LRIF1: variants seen among roughly 807,000 people sequenced by gnomAD.
LRIF1 encodes the protein ligand dependent nuclear receptor interacting factor 1, also known as ligand-dependent nuclear receptor-interacting factor 1.
A neutral mutation model predicts 52.7 loss-of-function variants in LRIF1; 32 were observed. That is an observed-to-expected ratio of 0.61 (90% CI 0.46 to 0.82). The LOEUF is 0.82. Ranked by LOEUF, LRIF1 falls within the 40% of genes least tolerant of loss-of-function variation. LRIF1 has a pLI of 0.00. For synonymous variants in LRIF1, 323 were observed against 317.4 expected (o/e 1.02, Z -0.19); for missense variants, 887 against 892.0 (o/e 0.99, Z 0.07).
At chr1:110,943,629 A>G (rs958083752), downstream of LRIF1, 2 of 151,956 alleles carry the variant, frequency 1.3e-5, no homozygotes, top group East Asian at 3.9e-4. Context: ...AGAGGCCACA[A>G]TTTTTTCTTT....
the LRIF1 span, among the ~76,000 whole-genome samples, chr1:110,911,222 A>G: frequency 3.9e-5 from 6 of 152,290 alleles, no homozygotes; most frequent in East Asian, 9.6e-4. Context: ...GAACAGTTCT[A>G]TGCACACAAA....
chr1:110,943,671 A>G (rs1175376407), downstream of LRIF1: 2 of 152,186 alleles, frequency 1.3e-5, no homozygotes, highest in Non-Finnish European at 2.9e-5. Flanking sequence ...GTACTTAGCT[A>G]GACCTTCTAG....
chr1:110,894,610 G>C, the LRIF1 span, among the ~76,000 whole-genome samples: 1 of 152,298 alleles, frequency 6.6e-6, no homozygotes, highest in East Asian at 1.9e-4. Context: ...TGCCTGGAAA[G>C]AGCAGTAAAA....
the LRIF1 span, among the ~76,000 whole-genome samples, chr1:110,878,406 G>A: frequency 6.6e-6 from 1 of 152,162 alleles, no homozygotes; most frequent in East Asian, 1.9e-4. Flanking sequence ...GAATGCTCTT[G>A]TATGTAAATT....
the LRIF1 span, chr1:110,899,758 C>G: frequency 3.9e-5 from 6 of 153,210 alleles, no homozygotes; most frequent in African/African-American, 1.4e-4. Flanking sequence ...TTGATGTGTT[C>G]TAAGTCTTTC....
intron 1 of LRIF1, among the ~76,000 whole-genome samples, chr1:110,957,540 G>A (rs1047921789): frequency 3.4e-5 from 5 of 145,774 alleles, no homozygotes; most frequent in Non-Finnish European, 7.5e-5. Flanking sequence ...TATCTTCTTT[G>A]GAATAATGAC....
At chr1:110,894,201 C>A in the LRIF1 span, 19 of 748,206 alleles carry the variant, frequency 2.5e-5, no homozygotes, top group Non-Finnish European at 4.3e-5. Flanking sequence ...AGGCTTACAA[C>A]GGCCTGAGGA....
intron 1 of LRIF1, among the ~76,000 whole-genome samples, chr1:110,961,055 T>C (rs1225034596): frequency 6.6e-6 from 1 of 152,222 alleles, no homozygotes; most frequent in Admixed American, 6.5e-5. Context: ...TCATAAACCA[T>C]ACACGTCCTT....
chr1:110,895,322 A>T, the LRIF1 span, among the ~76,000 whole-genome samples: 2 of 152,216 alleles, frequency 1.3e-5, no homozygotes, highest in African/African-American at 2.4e-5. Context: ...ACCCAAACAC[A>T]GCAAACTGGA....
chr1:110,921,898 G>T, the LRIF1 span, among the ~76,000 whole-genome samples: 1 of 152,154 alleles, frequency 6.6e-6, no homozygotes, highest in South Asian at 2.1e-4. Flanking sequence ...ATGAGGGTTT[G>T]TTGTACAGAT....
the LRIF1 span, among the ~76,000 whole-genome samples, chr1:110,931,746 C>A: frequency 2.9e-3 from 436 of 152,250 alleles, 1 homozygote; most frequent in African/African-American, 0.01. Context: ...TGATGATGAG[C>A]ATTTTTTCAT....
In LRIF1 at chr1:110,952,165, T is replaced by C; in HGVS notation, c.719A>G (p.Asn240Ser). Residue 240 changes from asparagine (N) to serine (S), a missense_variant, in exon 2 of 4, where the codon AAT becomes AGT. By Grantham distance (46) the Asn-to-Ser change is conservative. Transcript: ENST00000369763. ...GTTTTGAAAGTTCTTGGTAACTACA[T>C]TTTTCACTGTATTTACAGGAGATAC... Reference protein sequence around the residue: ...IYVSPVNTVKNVVTKNFQNIY... With the variant: ...IYVSPVNTVKSVVTKNFQNIY... 6.2e-7 allele frequency: 1 copy of C among 1,614,218 alleles called. No individual in the cohort carries two copies. Among genetic ancestry groups the C allele is most frequent in the Non-Finnish European group, 8.5e-7 (1 of 1,180,022 alleles).
At chr1:110,893,085 A>G in the LRIF1 span, among the ~76,000 whole-genome samples, 2 of 152,154 alleles carry the variant, frequency 1.3e-5, no homozygotes, top group African/African-American at 2.4e-5. Context: ...CATGTTCCCT[A>G]TCAGGTACTA....
chr1:110,911,536 C>G, the LRIF1 span, among the ~76,000 whole-genome samples: 1 of 151,804 alleles, frequency 6.6e-6, no homozygotes, highest in African/African-American at 2.4e-5. Context: ...TAAAACCTGG[C>G]AAAGATAAAA....
chr1:110,886,831 C>T, the LRIF1 span, among the ~76,000 whole-genome samples: 60,210 of 141,044 alleles, frequency 0.43, 14,417 homozygotes, highest in Admixed American at 0.55. Context: ...GGCAACAGAG[C>T]GAGACTCTGT....
intron 1 of LRIF1, among the ~76,000 whole-genome samples, chr1:110,958,480 A>G (rs1444233631): frequency 1.3e-5 from 2 of 152,180 alleles, no homozygotes; most frequent in East Asian, 3.8e-4. Flanking sequence ...GTTTCATTCA[A>G]TAAGACTGAA....
At chr1:110,933,340 A>G in the LRIF1 span, among the ~76,000 whole-genome samples, 4 of 152,194 alleles carry the variant, frequency 2.6e-5, no homozygotes, top group Admixed American at 1.3e-4. Context: ...TTTAGCAACT[A>G]TCTACACAGA....
the LRIF1 span, among the ~76,000 whole-genome samples, chr1:110,935,655 G>A: frequency 2.6e-5 from 4 of 152,090 alleles, no homozygotes; most frequent in Admixed American, 6.5e-5. Flanking sequence ...ACAGTCAGAG[G>A]AGATAAAAAA....
intron 3 of LRIF1, among the ~76,000 whole-genome samples, chr1:110,949,446 G>C (rs1658365845): frequency 7.1e-6 from 1 of 139,978 alleles, no homozygotes; most frequent in Non-Finnish European, 1.5e-5. Context: ...TTGAGATGGA[G>C]TCCTGCCCTG....
Sources: allele counts gnomAD v4.1 joint callset (sites outside exome capture counted in the v4.1 genomes callset), GRCh38; gene constraint gnomAD v4.1.1; transcripts MANE v1.5; gene names NCBI Gene and HGNC (gene_info 2026-07-23, HGNC 2026-07-21).